PPIL2: variants seen among roughly 807,000 people sequenced by gnomAD.
The protein encoded by PPIL2 is peptidylprolyl isomerase like 2.
A neutral mutation model predicts 75.2 loss-of-function variants in PPIL2; 50 were observed. The observed-to-expected ratio is 0.66, with a 90% CI of 0.53 to 0.84. The LOEUF is 0.84. Ranked by LOEUF, PPIL2 falls within the 40% of genes least tolerant of loss-of-function variation. The pLI, the probability that PPIL2 is intolerant of heterozygous loss-of-function variation, is 0.00. For synonymous variants in PPIL2, 245 were observed against 258.8 expected, an observed-to-expected ratio of 0.95 and a Z score of 0.51; for missense variants, 590 against 685.0, an observed-to-expected ratio of 0.86 and a Z score of 1.55.
intron 13 of PPIL2, 152 bp downstream of exon 13, chr22:21,687,884 C>A: frequency 9.3e-7 from 1 of 1,075,592 alleles, no homozygotes; most frequent in Non-Finnish European, 1.4e-6. Flanking sequence ...AACCCATAGA[C>A]TGACCCTTGA....
In PPIL2 at chr22:21,688,837, A is replaced by G; in HGVS notation, c.1127A>G (p.Asn376Ser). 1 of 1,614,184 alleles carries G rather than the reference A, an allele frequency of 6.2e-7. No individual in the cohort carries two copies. Among genetic ancestry groups the G allele is most frequent in the Non-Finnish European group, 8.5e-7 (1 of 1,179,988 alleles). ...LSMANSGPNS[N>S]RSQFFITFRS... ...ATGGCCAACTCCGGGCCCAACAGCA[A>G]CAGGTCTCAATTGTGAGTCAGCTGG... The change falls in exon 15 of 20, where the codon AAC becomes AGC. Residue 376 changes from asparagine to serine, a missense_variant. Physicochemically the swap from Asn to Ser is conservative, Grantham distance 46 (BLOSUM62 1). Coordinates refer to ENST00000398831, the MANE Select transcript of PPIL2 (RefSeq NM_014337.4).
chr22:21,688,826 G>A lies in PPIL2; in HGVS notation c.1116G>A (p.Gly372=). 1 of 1,614,196 alleles carries A rather than the reference G, an allele frequency of 6.2e-7. No homozygotes were observed. Among genetic ancestry groups the A allele is most frequent in the Non-Finnish European group, 8.5e-7 (1 of 1,180,020 alleles). The part of the protein sequence containing the change: ...GRGILSMANS[G]PNSNRSQFFI... ...GCATCCTCAGCATGGCCAACTCCGG[G>A]CCCAACAGCAACAGGTCTCAATTGT... The change falls in exon 15 of 20, where the codon GGG becomes GGA. Residue 372 remains glycine (G), a synonymous_variant. Transcript: ENST00000398831.
rs983747301 is a variant in PPIL2, at chr22:21,684,841, G to C, written c.642G>C (p.Glu214Asp). Residue 214 changes from glutamate (E) to aspartate (D), a missense_variant, in exon 10 of 20, where the codon GAG (glutamate) becomes GAC (aspartate). Physicochemically the swap from Glu to Asp is conservative, Grantham distance 45 (BLOSUM62 2). Transcript: ENST00000398831. Reference protein sequence around the residue: ...TRETLQELYKEFKGDEILAAT... With the variant: ...TRETLQELYKDFKGDEILAAT... Reference sequence around the variant, plus strand: ...AGACCCTGCAGGAGCTCTACAAGGAGTTCAAAGGGGACGAGATTCTGGCAG... The same window carrying C: ...AGACCCTGCAGGAGCTCTACAAGGACTTCAAAGGGGACGAGATTCTGGCAG... 11 of 1,614,198 alleles carry C rather than the reference G, an allele frequency of 6.8e-6. No homozygotes were observed. The highest frequency in any genetic ancestry group is 1.3e-5 in the African/African-American group (1 of 75,072).
chr22:21,671,086 A>T, intron 4 of PPIL2, 27 bp downstream of exon 4: 1 of 1,584,908 alleles, frequency 6.3e-7, no homozygotes, highest in Non-Finnish European at 8.7e-7. Context: ...ATTTTGATCT[A>T]ACAAATGTGA....
At chr22:21,669,294 T>G (rs879502797) in intron 1 of PPIL2, 2 of 414,798 alleles carry the variant, frequency 4.8e-6, no homozygotes, top group Non-Finnish European at 9.9e-6. Context: ...ACCACAGGTG[T>G]GAGCTGTCAC....
chr22:21,681,539 C>T, intron 7 of PPIL2, 149 bp downstream of exon 7: 1 of 704,520 alleles, frequency 1.4e-6, no homozygotes, highest in Admixed American at 2.6e-5. Context: ...TCTAGCAAAG[C>T]TCTGGCAGTG....
rs916619781 is a variant in PPIL2 at position 21,697,771 on chromosome 22, C to A, written c.*2281C>A. On this transcript the variant is annotated 3_prime_UTR_variant, in exon 20 of 20. Coordinates refer to ENST00000398831, the MANE Select transcript of PPIL2 (RefSeq NM_014337.4). ...AGGGCAGGGGACAGGCCACCAAGGA[C>A]CTTTGGCAAATGAAGGTTTACATTT... The A allele has an allele frequency of 2.6e-5, 4 of 152,312 alleles. No individual in the cohort carries two copies. In the East Asian group the frequency reaches 7.5e-4, roughly 29 times the overall value. The allele number at this position is 152,312 out of a possible 1,614,324, so 9.4% of individuals were successfully genotyped here.
chr22:21,692,652 G>A (rs917185361), intron 15 of PPIL2, among the ~76,000 whole-genome samples: 1 of 151,434 alleles, frequency 6.6e-6, no homozygotes, highest in African/African-American at 2.4e-5. Context: ...TTGGCCAGGT[G>A]CAGTGGCTCA....
At chr22:21,694,251 G>A (rs781379431) in intron 16 of PPIL2, among the ~76,000 whole-genome samples, 19 of 152,192 alleles carry the variant, frequency 1.2e-4, no homozygotes, top group Non-Finnish European at 2.4e-4. Context: ...GAAGCAGCAC[G>A]AAACAGGGTG....
rs747811787 is a variant in PPIL2, at chr22:21,694,922, C to A, written c.1333-15C>A. ...CGAGGTGCTGCCGGTTAGCCAGCGC[C>A]CTGTTGTGCCACAGATTGCGCAGGA... On this transcript the variant is annotated splice_polypyrimidine_tract_variant and intron_variant, in intron 18 of 19. Coordinates refer to ENST00000398831, the MANE Select transcript of PPIL2 (RefSeq NM_014337.4). 1 of 1,612,068 alleles carries A rather than the reference C, an allele frequency of 6.2e-7. No homozygotes were observed. Among genetic ancestry groups the A allele is most frequent in the Non-Finnish European group, 8.5e-7 (1 of 1,179,010 alleles).
rs2067855029 is a variant in PPIL2, at chr22:21,694,943, C to A, written c.1339C>A (p.Gln447Lys). The change falls in exon 19 of 20, where the codon CAG (glutamine) becomes AAG (lysine). Residue 447 changes from glutamine to lysine, a missense_variant. Physicochemically the swap from Gln to Lys is moderately conservative, Grantham distance 53 (BLOSUM62 1). Coordinates refer to ENST00000398831, the MANE Select transcript of PPIL2 (RefSeq NM_014337.4). Reference sequence around the variant, plus strand: ...GCGCCCTGTTGTGCCACAGATTGCGCAGGAGCGGAAGACACAGCTCAAGGT... The same window carrying A: ...GCGCCCTGTTGTGCCACAGATTGCGAAGGAGCGGAAGACACAGCTCAAGGT... ...PYEEADAQIA[Q>K]ERKTQLKVAP... 2.5e-6 allele frequency: 4 copies of A among 1,613,366 alleles called. No homozygotes were observed. In the South Asian group the frequency reaches 4.4e-5, roughly 18 times the overall value.
Position 21,695,015 on chromosome 22 carries a change from C to G in PPIL2, c.1411C>G (p.Gln471Glu). Residue 471 changes from glutamine (Q) to glutamate (E), a missense_variant, in exon 19 of 20, where the codon CAG becomes GAG. Physicochemically the swap from Gln to Glu is conservative, Grantham distance 29 (BLOSUM62 2). Transcript: ENST00000398831. ...VKSSQPQAGSQGPQTFRQGVG... is the reference protein window; with the variant it reads ...VKSSQPQAGSEGPQTFRQGVG... ...GAGCAGCCAGCCCCAGGCAGGGAGC[C>G]AGGGCCCCCAGACCTTCCGCCAGGG... 1 of 1,613,324 alleles carries G rather than the reference C, an allele frequency of 6.2e-7. No homozygotes were observed.
chr22:21,691,619 G>C (rs1244699715), intron 15 of PPIL2, among the ~76,000 whole-genome samples: 1 of 151,876 alleles, frequency 6.6e-6, no homozygotes, highest in East Asian at 1.9e-4. Context: ...GGCAGAGCTT[G>C]CATTGAGCCG....
intron 6 of PPIL2, among the ~76,000 whole-genome samples, chr22:21,677,101 C>T (rs889302275): frequency 5.9e-5 from 9 of 151,554 alleles, no homozygotes; most frequent in Non-Finnish European, 1.3e-4. Context: ...GACAGGGCGG[C>T]TGCCGGGCAG....
At chr22:21,689,026 A>G (rs866940720) in intron 15 of PPIL2, among the ~76,000 whole-genome samples, 177 bp downstream of exon 15, 1 of 152,266 alleles carries the variant, frequency 6.6e-6, no homozygotes, top group South Asian at 2.1e-4. Context: ...AGAGTGAGTC[A>G]GCAGGGAGAG....
chr22:21,668,887 A>G (rs2066505575), intron 1 of PPIL2, among the ~76,000 whole-genome samples: 1 of 150,666 alleles, frequency 6.6e-6, no homozygotes, highest in Admixed American at 6.6e-5. Context: ...AATTTTTTGT[A>G]TTTTCAGTAG....
chr22:21,694,518 C>T, intron 16 of PPIL2, 75 bp from the exon 17 acceptor site: 5 of 1,544,480 alleles, frequency 3.2e-6, no homozygotes, highest in Non-Finnish European at 4.5e-6. Context: ...CCCCTCTTCC[C>T]ACGTGCCTTG....
rs1043374629 is a variant in PPIL2 at position 21,696,488 on chromosome 22, C to T, written c.*998C>T. On this transcript the variant is annotated 3_prime_UTR_variant, in exon 20 of 20. Coordinates refer to ENST00000398831, the MANE Select transcript of PPIL2 (RefSeq NM_014337.4). ...TCTGATGGCCTTGGGCCAGCTGCAT[C>T]AGCAGCCCTTAAAGAAAGACCCCTC... 5.6e-6 allele frequency: 7 copies of T among 1,245,014 alleles called. No individual in the cohort carries two copies. The highest frequency in any genetic ancestry group is 7.1e-6 in the Non-Finnish European group (7 of 981,092). The allele number at this position is 1,245,014 out of a possible 1,614,324, so 77.1% of individuals were successfully genotyped here.
Position 21,696,197 on chromosome 22 carries a change from T to C in PPIL2, c.*707T>C, listed in dbSNP as rs1230171727. 8 of 1,001,794 alleles carry C rather than the reference T, an allele frequency of 8.0e-6. No individual in the cohort carries two copies. The highest frequency in any genetic ancestry group is 7.2e-6 in the Non-Finnish European group (6 of 839,002). 62.1% of individuals were successfully genotyped at this position (1,001,794 alleles called of 1,614,324 possible). On this transcript the variant is annotated 3_prime_UTR_variant, in exon 20 of 20. Coordinates refer to ENST00000398831, the MANE Select transcript of PPIL2 (RefSeq NM_014337.4). ...GAAGGCTGGTGTTGGACGGCAGCAT[T>C]GAGTTTCCTGCCGTGCCCTGCCTGA...
Sources: gnomAD v4.1 joint callset for allele counts (sites outside exome capture counted in the v4.1 genomes callset) on GRCh38, gnomAD v4.1.1 for gene constraint, MANE v1.5 for transcripts, NCBI Gene and HGNC (gene_info 2026-07-23, HGNC 2026-07-21) for gene names.